The following IQCJ variants were observed in gnomAD, a reference collection of about 807,000 sequenced individuals.
IQCJ encodes the protein IQ domain-containing protein J.
IQCJ carries 9 observed loss-of-function variants against 11.0 expected under a neutral mutation model. The observed-to-expected ratio is 0.82, with a 90% CI of 0.49 to 1.43. The LOEUF (loss-of-function observed/expected upper bound fraction) is 1.43. IQCJ is among the 40% of genes most tolerant of loss of function. The probability of loss-of-function intolerance (pLI) is 0.00; values close to 1 mark genes in which losing one functional copy is unlikely to be tolerated. For missense variants in IQCJ, 146 were observed against 133.2 expected (o/e 1.10, Z -0.47); for synonymous variants, 55 against 51.3 (o/e 1.07, Z -0.31).
intron 1 of IQCJ, among the ~76,000 whole-genome samples, chr3:159,077,202 T>C (rs1715981983): frequency 6.6e-6 from 1 of 152,156 alleles, no homozygotes; most frequent in Admixed American, 6.6e-5. Flanking sequence ...TCATATCATC[T>C]ATACCCATTG....
At chr3:159,173,855 C>G (rs1722632113) in intron 1 of IQCJ, among the ~76,000 whole-genome samples, 1 of 152,130 alleles carries the variant, frequency 6.6e-6, no homozygotes, top group African/African-American at 2.4e-5. Context: ...CTTTTTCCAT[C>G]TGAAGACTTA....
At chr3:159,133,227 A>G (rs1367010736) in intron 1 of IQCJ, among the ~76,000 whole-genome samples, 3 of 152,224 alleles carry the variant, frequency 2.0e-5, no homozygotes, top group Non-Finnish European at 2.9e-5. Flanking sequence ...CCTGAATAAG[A>G]AATCATTGGT....
rs1472301509 is a variant in IQCJ at position 159,069,884 on chromosome 3, TGTGC to T, written c.9+447_9+450del. 2,195 of 305,840 alleles carry T rather than the reference TGTGC, an allele frequency of 7.2e-3. 41 individuals carry two copies. The highest frequency in any genetic ancestry group is 0.048 in the African/African-American group (2,026 of 42,378). The allele number at this position is 305,840 out of a possible 1,614,324, so 18.9% of individuals were successfully genotyped here. On this transcript the variant is annotated intron_variant, in intron 1 of 3. Coordinates refer to ENST00000397832, the MANE Select transcript of IQCJ (RefSeq NM_001042706.3). Reference sequence around the variant, plus strand: ...GTGTGTGTGTGTGTGTGTGTGTGTGTGTGCGTGTGTATGGGGAGGAGGTGTTGAT... The same window carrying T: ...GTGTGTGTGTGTGTGTGTGTGTGTGTGTGTGTATGGGGAGGAGGTGTTGAT...
chr3:159,167,355 G>A (rs1722230033), intron 1 of IQCJ, among the ~76,000 whole-genome samples: 2 of 152,180 alleles, frequency 1.3e-5, no homozygotes, highest in Admixed American at 1.3e-4. Context: ...TCACGGAGCT[G>A]AAATTGGAAC....
chr3:159,216,065 A>G (rs1172789943), intron 1 of IQCJ, among the ~76,000 whole-genome samples: 1 of 130,474 alleles, frequency 7.7e-6, no homozygotes, highest in Non-Finnish European at 1.6e-5. Flanking sequence ...AAGTTTTGAG[A>G]AAAAGAAAGC....
intron 1 of IQCJ, among the ~76,000 whole-genome samples, chr3:159,088,108 G>A (rs1174883249): frequency 1.3e-5 from 2 of 151,934 alleles, no homozygotes; most frequent in African/African-American, 4.8e-5. Flanking sequence ...CAGAGATTCT[G>A]GTATGTTGTG....
Position 159,209,733 on chromosome 3 carries a change from G to A in IQCJ, c.10-36110G>A, listed in dbSNP as rs968800903. On this transcript the variant is annotated intron_variant, in intron 1 of 3. Transcript: ENST00000397832. ...ATGCTCTCCCTCCCACAAGGGGTTTGAGCTGGAAGCCAAGCAAAACAAGCC... is the reference window on the plus strand; with the variant it reads ...ATGCTCTCCCTCCCACAAGGGGTTTAAGCTGGAAGCCAAGCAAAACAAGCC... 3.3e-5 allele frequency among the ~76,000 whole-genome samples: 5 copies of A among 152,246 alleles called. No individual in the cohort carries two copies. In the East Asian group the frequency reaches 9.7e-4, roughly 30 times the overall value.
chr3:159,084,868 G>A (rs557091389), intron 1 of IQCJ, among the ~76,000 whole-genome samples: 1 of 151,946 alleles, frequency 6.6e-6, no homozygotes, highest in African/African-American at 2.4e-5. Context: ...TTCGGGTCTT[G>A]GAGGCACATC....
At chr3:159,184,666 A>G (rs1723283581) in intron 1 of IQCJ, among the ~76,000 whole-genome samples, 1 of 152,220 alleles carries the variant, frequency 6.6e-6, no homozygotes, top group Admixed American at 6.5e-5. Flanking sequence ...TACTTCTGTT[A>G]CATTCCATGG....
At chr3:159,258,558 A>G (rs1278494048) in intron 3 of IQCJ, among the ~76,000 whole-genome samples, 2 of 152,178 alleles carry the variant, frequency 1.3e-5, no homozygotes, top group South Asian at 2.1e-4. Flanking sequence ...GAGAGAATCA[A>G]CACAAAAAAG....
chr3:159,082,595 C>T (rs528785378), intron 1 of IQCJ, among the ~76,000 whole-genome samples: 29 of 152,096 alleles, frequency 1.9e-4, no homozygotes, highest in African/African-American at 6.7e-4. Context: ...TCTGAAAGAC[C>T]TTTGTGTGTC....
chr3:159,218,774 C>T (rs377715207), intron 1 of IQCJ, among the ~76,000 whole-genome samples: 2 of 152,112 alleles, frequency 1.3e-5, no homozygotes, highest in South Asian at 4.1e-4. Flanking sequence ...TTATCACAAA[C>T]TTAGTGGCTT....
At chr3:159,142,184 T>C (rs1381618782) in intron 1 of IQCJ, among the ~76,000 whole-genome samples, 4 of 152,192 alleles carry the variant, frequency 2.6e-5, no homozygotes, top group Admixed American at 1.3e-4. Context: ...TTTTGTTTTT[T>C]AGTCTGCAGT....
intron 1 of IQCJ, among the ~76,000 whole-genome samples, chr3:159,074,265 A>G (rs1715770352): frequency 6.6e-6 from 1 of 152,090 alleles, no homozygotes; most frequent in African/African-American, 2.4e-5. Flanking sequence ...TTGCTATTCC[A>G]GGTGAGAAGA....
intron 1 of IQCJ, among the ~76,000 whole-genome samples, chr3:159,172,271 G>A (rs758494959): frequency 6.6e-6 from 1 of 151,992 alleles, no homozygotes; most frequent in Non-Finnish European, 1.5e-5. Context: ...TGATAGCTGC[G>A]AAAGTTAGCA....
At chr3:159,234,249 A>C (rs544602087) in intron 1 of IQCJ, among the ~76,000 whole-genome samples, 3 of 152,360 alleles carry the variant, frequency 2.0e-5, no homozygotes, top group African/African-American at 7.2e-5. Context: ...ATAATTTTTA[A>C]GAGATAATTC....
chr3:159,247,056 GA>G (rs1192487210), intron 2 of IQCJ, among the ~76,000 whole-genome samples: 1 of 152,160 alleles, frequency 6.6e-6, no homozygotes, highest in Non-Finnish European at 1.5e-5. Flanking sequence ...GTTAACAAAA[GA>G]AAAGCACAAC....
intron 1 of IQCJ, among the ~76,000 whole-genome samples, chr3:159,137,793 A>G (rs1720383270): frequency 6.6e-6 from 1 of 152,188 alleles, no homozygotes; most frequent in African/African-American, 2.4e-5. Context: ...TCTCACTATA[A>G]AAAGTGCAAT....
At chr3:159,179,293 A>G (rs1161928597) in intron 1 of IQCJ, among the ~76,000 whole-genome samples, 1 of 152,160 alleles carries the variant, frequency 6.6e-6, no homozygotes, top group Non-Finnish European at 1.5e-5. Flanking sequence ...TTCACTTAAT[A>G]GTTTGGAACT....
Sources: gnomAD v4.1 joint callset for allele counts (sites outside exome capture counted in the v4.1 genomes callset) on GRCh38, gnomAD v4.1.1 for gene constraint, MANE v1.5 for transcripts, NCBI Gene and HGNC (gene_info 2026-07-23, HGNC 2026-07-21) for gene names.